The following MICAL3 variants were observed in gnomAD, a reference collection of about 807,000 sequenced individuals.
MICAL3 encodes the protein [F-actin]-monooxygenase MICAL3.
MICAL3 carries 62 observed loss-of-function variants against 207.4 expected under a neutral mutation model. The observed-to-expected ratio is 0.30, with a 90% CI of 0.24 to 0.37. MICAL3 has a LOEUF of 0.37. Among genes scored for constraint, MICAL3 ranks in the 10% least tolerant of loss-of-function variants. The pLI is 1.00. For synonymous variants in MICAL3, 1,077 were observed against 1,069.3 expected (o/e 1.01, Z -0.14); for missense variants, 2,368 against 2,635.6 (o/e 0.90, Z 2.22).
chr22:17,840,658 A>T (rs1226618713), intron 20 of MICAL3: 1 of 152,204 alleles, frequency 6.6e-6, no homozygotes, highest in Non-Finnish European at 1.5e-5. Context: ...GCTCTGCTCA[A>T]GGGTTTATAA....
chr22:17,891,893 C>G (rs2146234362), intron 11 of MICAL3, among the ~76,000 whole-genome samples: 1 of 152,354 alleles, frequency 6.6e-6, no homozygotes, highest in East Asian at 1.9e-4. Flanking sequence ...TGAGGGACCA[C>G]AGCCTGACAG....
intron 16 of MICAL3, among the ~76,000 whole-genome samples, chr22:17,877,261 G>C (rs797012230): frequency 2.2e-5 from 1 of 44,862 alleles, no homozygotes; most frequent in Non-Finnish European, 4.1e-5. Context: ...AGGGAGGTTA[G>C]GGAAGTTATG....
chr22:17,818,058 C>T lies in MICAL3; in HGVS notation c.4603G>A (p.Glu1535Lys), dbSNP rs558181198. ...AATTTCTCCTGCAGGCTTGAGTCCT[C>T]AGTCTTGTCGTCATAGGTGTCCTCC... ...DVEDTYDDKTEDSSLQEKFFT... is the reference protein window; with the variant it reads ...DVEDTYDDKTKDSSLQEKFFT... The change falls in exon 26 of 32, where the codon GAG (glutamate) becomes AAG (lysine). Residue 1535 changes from glutamate (E) to lysine (K), a missense_variant. Around this residue, in one of 4 missense-constraint regions of MICAL3, gnomAD observed 1,770 missense variants for 1,863.2 expected, o/e 0.95. Coordinates refer to ENST00000441493, the MANE Select transcript of MICAL3 (RefSeq NM_015241.3). 70 of 1,613,076 alleles carry T rather than the reference C, an allele frequency of 4.3e-5. No individual in the cohort carries two copies. The East Asian group carries it at 1.5e-3, about 35-fold the overall frequency.
At chr22:17,801,596 G>A (rs2061940151) in intron 29 of MICAL3, among the ~76,000 whole-genome samples, 1 of 152,114 alleles carries the variant, frequency 6.6e-6, no homozygotes, top group Non-Finnish European at 1.5e-5. Context: ...GGCGGGTAAA[G>A]AAAGCAGGAG....
Position 17,874,818 on chromosome 22 carries a change from C to T in MICAL3, c.2242-2795G>A, listed in dbSNP as rs116442129. On this transcript the variant is annotated intron_variant, in intron 16 of 31. Coordinates refer to ENST00000441493, the MANE Select transcript of MICAL3 (RefSeq NM_015241.3). ...TTCCAATCTCTCTAGAAACTCCCTA[C>T]AACTGAACCAGTGCTACTTCAGATC... 4.0e-3 allele frequency among the ~76,000 whole-genome samples: 608 copies of T among 152,176 alleles called. 1 individual carries two copies. Among genetic ancestry groups the T allele is most frequent in the African/African-American group, 0.014 (585 of 41,516 alleles).
chr22:17,963,694 A>G (rs74800769), intron 1 of MICAL3, among the ~76,000 whole-genome samples: 2,745 of 152,244 alleles, frequency 0.018, 84 homozygotes, highest in African/African-American at 0.062. Flanking sequence ...TCGCAAGTGG[A>G]TAATAGTCAG....
At chr22:18,006,571 T>C (rs1316097280) in intron 1 of MICAL3, 2 of 152,230 alleles carry the variant, frequency 1.3e-5, no homozygotes, top group Non-Finnish European at 2.9e-5. Flanking sequence ...CGGTGGCTCA[T>C]GCCTCTAATC....
In MICAL3 at chr22:17,822,168, G is replaced by C; in HGVS notation, c.3310C>G (p.Gln1104Glu). ...GDTGAELDDD[Q>E]HWSDSPSDAD... ...TCCGACGGGCTGTCAGACCAGTGCT[G>C]ATCTGGCAGAGGGAAGGGGCAGAAG... Residue 1104 changes from glutamine (Q) to glutamate (E), a missense_variant and splice_region_variant, in exon 24 of 32, where the codon CAG becomes GAG. Coordinates refer to ENST00000441493, the MANE Select transcript of MICAL3 (RefSeq NM_015241.3). The C allele has an allele frequency of 6.8e-6, 11 of 1,613,386 alleles. No individual in the cohort carries two copies. The highest frequency in any genetic ancestry group is 9.3e-6 in the Non-Finnish European group (11 of 1,179,738).
chr22:17,992,647 G>A (rs566487450), intron 1 of MICAL3, among the ~76,000 whole-genome samples: 242 of 152,278 alleles, frequency 1.6e-3, no homozygotes, highest in African/African-American at 5.6e-3. Context: ...GAGGCCCAGG[G>A]GCTTGTTTGT....
At chr22:17,851,153 T>G (rs970268338) in intron 19 of MICAL3, among the ~76,000 whole-genome samples, 1 of 152,200 alleles carries the variant, frequency 6.6e-6, no homozygotes, top group Non-Finnish European at 1.5e-5. Context: ...GCGCTGGGAT[T>G]TGAAATATTT....
Position 17,817,709 on chromosome 22 carries a change from G to A in MICAL3, c.4952C>T (p.Thr1651Ile), listed in dbSNP as rs761669068. The A allele has an allele frequency of 6.3e-7, 1 of 1,598,626 alleles. No individual in the cohort carries two copies. The highest frequency in any genetic ancestry group is 1.7e-5 in the Admixed American group (1 of 58,518). Residue 1651 changes from threonine (T) to isoleucine (I), a missense_variant, in exon 26 of 32, where the codon ACA (threonine) becomes ATA (isoleucine). Around this residue, in one of 4 missense-constraint regions of MICAL3, gnomAD observed 1,770 missense variants for 1,863.2 expected, o/e 0.95. Transcript: ENST00000441493. ...QGKERRPDSPTRPTLRGSEEP... is the reference protein window; with the variant it reads ...QGKERRPDSPIRPTLRGSEEP... Reference sequence around the variant, plus strand: ...CTCGGAGCCCCTGAGAGTGGGGCGTGTGGGGGAGTCAGGCCGGCGCTCCTT... The same window carrying A: ...CTCGGAGCCCCTGAGAGTGGGGCGTATGGGGGAGTCAGGCCGGCGCTCCTT...
chr22:17,937,233 T>G (rs527614180), intron 1 of MICAL3, among the ~76,000 whole-genome samples: 1 of 152,370 alleles, frequency 6.6e-6, no homozygotes, highest in South Asian at 2.1e-4. Context: ...CTTTTAAGTA[T>G]GCCAAAGAAA....
Position 17,791,070 on chromosome 22 carries a change from C to A in MICAL3, c.5752G>T (p.Ala1918Ser). ...CGGTCTTCCAGCTCCAGCTCCCGGG[C>A]ACTGAGGAGGCAGGGCAGGAGGGAG... ...VRYESELMIF[A>S]RELELEDRQS... The change falls in exon 31 of 32, where the codon GCC becomes TCC. Residue 1918 changes from alanine (A) to serine (S), a missense_variant and splice_region_variant. By Grantham distance (99) the Ala-to-Ser change is moderately conservative. Transcript: ENST00000441493. 1 of 1,611,324 alleles carries A rather than the reference C, an allele frequency of 6.2e-7. No homozygotes were observed. Among genetic ancestry groups the A allele is most frequent in the South Asian group, 1.1e-5 (1 of 90,892 alleles).
At chr22:17,883,669 C>T (rs1366534144) in intron 16 of MICAL3, among the ~76,000 whole-genome samples, 1 of 152,168 alleles carries the variant, frequency 6.6e-6, no homozygotes, top group Non-Finnish European at 1.5e-5. Flanking sequence ...ATCACCTGCC[C>T]TATTCTGTAC....
chr22:17,921,614 T>C (rs1932801617), intron 1 of MICAL3, among the ~76,000 whole-genome samples: 1 of 152,072 alleles, frequency 6.6e-6, no homozygotes, highest in African/African-American at 2.4e-5. Flanking sequence ...TCAGCCTCCC[T>C]AGTAGCTGGG....
chr22:18,015,956 A>C (rs997395776), intron 1 of MICAL3, among the ~76,000 whole-genome samples: 1 of 152,206 alleles, frequency 6.6e-6, no homozygotes, highest in African/African-American at 2.4e-5. Flanking sequence ...TATAACCAAC[A>C]CAACAGAGGG....
intron 19 of MICAL3, among the ~76,000 whole-genome samples, chr22:17,857,306 G>A (rs981116142): frequency 1.3e-5 from 2 of 152,136 alleles, no homozygotes; most frequent in African/African-American, 4.8e-5. Flanking sequence ...TCCCAGGAGC[G>A]GGAACCTATT....
chr22:17,999,491 C>T (rs1014895060), intron 1 of MICAL3, among the ~76,000 whole-genome samples: 25 of 152,176 alleles, frequency 1.6e-4, no homozygotes, highest in African/African-American at 5.6e-4. Flanking sequence ...CCAGGTCTCT[C>T]AAACCCAAGG....
chr22:17,866,133 A>G, intron 17 of MICAL3, 121 bp from the exon 18 acceptor site: 1 of 739,914 alleles, frequency 1.4e-6, no homozygotes, highest in Non-Finnish European at 2.4e-6. Context: ...CAAGCCACCC[A>G]GCCTTCCCTG....
Sources: gnomAD v4.1 joint callset for allele counts (sites outside exome capture counted in the v4.1 genomes callset) on GRCh38, gnomAD v4.1.1 for gene constraint, gnomAD v4.1.1 regional missense constraint, MANE v1.5 for transcripts, NCBI Gene and HGNC (gene_info 2026-07-23, HGNC 2026-07-21) for gene names.